Variants in LTBP1 observed in about 807,000 individuals in gnomAD.
LTBP1 encodes the protein latent-transforming growth factor beta-binding protein 1.
LTBP1 carries 129 observed loss-of-function variants against 207.6 expected under a neutral mutation model. The observed-to-expected ratio is 0.62, with a 90% confidence interval of 0.54 to 0.72. The LOEUF is 0.72. Ranked by LOEUF, LTBP1 falls within the 30% of genes least tolerant of loss-of-function variation. The probability of loss-of-function intolerance (pLI) is 0.00; values close to 1 mark genes in which losing one functional copy is unlikely to be tolerated. For synonymous variants in LTBP1, 963 were observed against 833.7 expected (o/e 1.16, Z -2.67); for missense variants, 2,281 against 2,217.2 (o/e 1.03, Z -0.58).
chr2:33,199,868 A>G (rs923134480), intron 7 of LTBP1, among the ~76,000 whole-genome samples: 1 of 152,240 alleles, frequency 6.6e-6, no homozygotes, highest in Non-Finnish European at 1.5e-5. Context: ...GTGAACTCCC[A>G]TTCACAATTG....
At chr2:32,980,548 G>A (rs1332511951) in intron 2 of LTBP1, among the ~76,000 whole-genome samples, 1 of 151,962 alleles carries the variant, frequency 6.6e-6, no homozygotes, top group Non-Finnish European at 1.5e-5. Flanking sequence ...ACTGTACTGT[G>A]TATTTCTTGA....
intron 31 of LTBP1, among the ~76,000 whole-genome samples, chr2:33,369,383 C>T (rs939923154): frequency 6.6e-6 from 1 of 152,132 alleles, no homozygotes. Context: ...TAATTTTAAC[C>T]TCCAGCATAC....
intron 10 of LTBP1, among the ~76,000 whole-genome samples, chr2:33,246,217 A>T (rs1359671975): frequency 6.6e-6 from 1 of 152,184 alleles, no homozygotes; most frequent in African/African-American, 2.4e-5. Context: ...GAGTGAGAAG[A>T]TTTATTTCTC....
chr2:33,118,474 G>A (rs542823866), intron 4 of LTBP1, among the ~76,000 whole-genome samples: 10 of 152,278 alleles, frequency 6.6e-5, no homozygotes, highest in African/African-American at 2.2e-4. Flanking sequence ...TATGGGAATC[G>A]GGAACCTTGA....
intron 9 of LTBP1, among the ~76,000 whole-genome samples, chr2:33,234,673 A>G (rs1305717838): frequency 6.6e-6 from 1 of 152,222 alleles, no homozygotes; most frequent in Admixed American, 6.5e-5. Context: ...ATTCAATGCT[A>G]TCCCCGTCAA....
At chr2:33,365,216 C>T in intron 30 of LTBP1, 117 bp from the exon 31 acceptor site, 1 of 843,514 alleles carries the variant, frequency 1.2e-6, no homozygotes, top group South Asian at 1.7e-5. Context: ...CAGACTTTTA[C>T]TTGGAAGTCA....
intron 23 of LTBP1, among the ~76,000 whole-genome samples, chr2:33,311,791 G>C (rs181118463): frequency 5.9e-5 from 9 of 152,202 alleles, no homozygotes; most frequent in African/African-American, 2.2e-4. Context: ...TATTAAATTT[G>C]TGTCTGTGGT....
At chr2:33,024,181 G>A (rs1573154123) in intron 3 of LTBP1, among the ~76,000 whole-genome samples, 1 of 152,192 alleles carries the variant, frequency 6.6e-6, no homozygotes, top group African/African-American at 2.4e-5. Flanking sequence ...TGCTTTCTTG[G>A]AACTTACAGT....
At position 33,217,626 on chromosome 2, in the gene LTBP1, C is replaced by T. The variant is rs1344353861; in HGVS notation, c.1776C>T (p.Asn592=). ...CGTVGTSWGF[N]KCQKCPKKPS... ...CTGTGGGTACCTCCTGGGGCTTTAA[C>T]AAATGCCAGAAATGCCCCAAGAAAC... Residue 592 remains asparagine, a synonymous_variant, in exon 8 of 34, where the codon AAC becomes AAT. Transcript: ENST00000404816. The T allele has an allele frequency of 1.9e-6, 3 of 1,613,620 alleles. No homozygotes were observed. The highest frequency in any genetic ancestry group is 1.7e-6 in the Non-Finnish European group (2 of 1,179,758).
At chr2:33,270,989 C>A (rs2093308794) in intron 15 of LTBP1, among the ~76,000 whole-genome samples, 1 of 152,206 alleles carries the variant, frequency 6.6e-6, no homozygotes, top group African/African-American at 2.4e-5. Context: ...AAGAGTTATA[C>A]TTCTTCACTA....
chr2:33,080,385 G>A (rs1204228447), intron 3 of LTBP1, among the ~76,000 whole-genome samples: 1 of 152,078 alleles, frequency 6.6e-6, no homozygotes, highest in Non-Finnish European at 1.5e-5. Flanking sequence ...CCTTGAAAAG[G>A]CCCTGGAGTC....
chr2:33,147,747 G>A (rs28640023), intron 5 of LTBP1, among the ~76,000 whole-genome samples: 8 of 152,308 alleles, frequency 5.3e-5, no homozygotes, highest in South Asian at 4.2e-4. Context: ...ATGAAATGCC[G>A]GGAGGGCAGG....
intron 3 of LTBP1, among the ~76,000 whole-genome samples, chr2:33,096,959 C>G (rs1032287183): frequency 1.3e-5 from 2 of 152,106 alleles, no homozygotes; most frequent in Non-Finnish European, 1.5e-5. Flanking sequence ...AAGTCCTGCT[C>G]TGATAACTTG....
chr2:33,227,660 C>G (rs986129160), intron 9 of LTBP1, among the ~76,000 whole-genome samples: 4 of 152,100 alleles, frequency 2.6e-5, no homozygotes, highest in African/African-American at 9.7e-5. Flanking sequence ...TCACCTCTTT[C>G]TTTTCCTGAC....
At chr2:32,962,476 C>T (rs987217056) in intron 2 of LTBP1, among the ~76,000 whole-genome samples, 2 of 152,148 alleles carry the variant, frequency 1.3e-5, no homozygotes, top group Admixed American at 1.3e-4. Flanking sequence ...GCCTACACAG[C>T]GGTTCTCTTT....
chr2:33,365,914 T>G (rs1329571721), intron 31 of LTBP1, among the ~76,000 whole-genome samples: 2 of 152,188 alleles, frequency 1.3e-5, no homozygotes, highest in African/African-American at 4.8e-5. Context: ...AAAGTCCAAA[T>G]TTTCATGTCA....
intron 31 of LTBP1, among the ~76,000 whole-genome samples, chr2:33,377,170 A>G (rs1025008061): frequency 1.2e-4 from 19 of 152,246 alleles, no homozygotes; most frequent in Non-Finnish European, 2.4e-4. Flanking sequence ...TGCTGAAGAC[A>G]GAGCTCTGGA....
Position 33,188,799 on chromosome 2 carries a change from T to C in LTBP1, c.1649T>C (p.Val550Ala). 2 of 1,614,184 alleles carry C rather than the reference T, an allele frequency of 1.2e-6. No homozygotes were observed. Among genetic ancestry groups the C allele is most frequent in the Non-Finnish European group, 8.5e-7 (1 of 1,180,026 alleles). The change falls in exon 7 of 34, where the codon GTG becomes GCG. Residue 550 changes from valine to alanine, a missense_variant. This residue lies in a region of LTBP1 where 1,671 missense variants were observed against 1,634.8 expected (regional missense o/e 1.02). Transcript: ENST00000404816. Reference protein sequence around the residue: ...HQQVIPHVYPVAAKTQLGRCF... With the variant: ...HQQVIPHVYPAAAKTQLGRCF... The stretch of plus-strand genomic sequence containing the variant: ...CAGGTCATTCCTCACGTCTACCCCG[T>C]GGCTGCTAAGACACAGCTTGGCCGG...
chr2:33,053,747 A>G (rs1220545742), intron 3 of LTBP1, among the ~76,000 whole-genome samples: 2 of 152,068 alleles, frequency 1.3e-5, no homozygotes, highest in Admixed American at 6.5e-5. Context: ...TTAGGCCTAG[A>G]TATTTGACCT....
Sources: gnomAD v4.1 joint callset for allele counts (sites outside exome capture counted in the v4.1 genomes callset) on GRCh38, gnomAD v4.1.1 for gene constraint, gnomAD v4.1.1 regional missense constraint, MANE v1.5 for transcripts, NCBI Gene and HGNC (gene_info 2026-07-23, HGNC 2026-07-21) for gene names.